Variants in GULP1 observed in about 807,000 individuals in gnomAD.
GULP1 encodes GULP PTB domain containing engulfment adaptor 1.
In GULP1, 19 loss-of-function variants were observed where a neutral mutation model predicts 40.9. The ratio of observed to expected loss-of-function variants is 0.46; its 90% confidence interval spans 0.32 to 0.68. GULP1 has a LOEUF of 0.68. GULP1 is among the 30% of genes least tolerant of loss of function. The pLI is 0.03. For missense variants in GULP1, 312 were observed against 362.2 expected (o/e 0.86, Z 1.12); for synonymous variants, 119 against 117.6 (o/e 1.01, Z -0.08).
chr2:188,490,605 ATCTT>A (rs562575559), intron 4 of GULP1, among the ~76,000 whole-genome samples: 11 of 152,052 alleles, frequency 7.2e-5, no homozygotes, highest in Non-Finnish European at 1.3e-4. Context: ...GAAGTATTGC[ATCTT>A]TCTTTCTTCT....
At chr2:188,506,986 C>T (rs997656325) in intron 4 of GULP1, among the ~76,000 whole-genome samples, 4 of 151,932 alleles carry the variant, frequency 2.6e-5, no homozygotes, top group African/African-American at 9.7e-5. Context: ...GTGGCTAAGA[C>T]TGTTGAGAGA....
intron 2 of GULP1, among the ~76,000 whole-genome samples, chr2:188,476,432 A>G (rs1224655360): frequency 1.3e-5 from 2 of 152,158 alleles, no homozygotes; most frequent in Non-Finnish European, 2.9e-5. Flanking sequence ...CTGTCTTGTC[A>G]TCTGAAGATG....
chr2:188,444,551 A>G (rs980622709), intron 2 of GULP1, among the ~76,000 whole-genome samples: 1 of 152,226 alleles, frequency 6.6e-6, no homozygotes, highest in African/African-American at 2.4e-5. Context: ...TGACTCCTTC[A>G]TAAGCCAGAG....
chr2:188,369,822 G>T (rs1002643209), intron 1 of GULP1, among the ~76,000 whole-genome samples: 39 of 151,990 alleles, frequency 2.6e-4, no homozygotes, highest in African/African-American at 8.9e-4. Context: ...GCCTATTCTT[G>T]GTTCAGGTAA....
At chr2:188,531,691 G>A (rs890691783) in intron 6 of GULP1, among the ~76,000 whole-genome samples, 2 of 152,124 alleles carry the variant, frequency 1.3e-5, no homozygotes, top group South Asian at 4.1e-4. Flanking sequence ...AGTTTGCTGG[G>A]AAACAAGGCA....
intron 6 of GULP1, among the ~76,000 whole-genome samples, chr2:188,540,843 G>A (rs1388072417): frequency 6.6e-6 from 1 of 151,984 alleles, no homozygotes; most frequent in Non-Finnish European, 1.5e-5. Context: ...TTCTTTCTGG[G>A]TCTCATTGTT....
chr2:188,403,935 T>C (rs1349975965), intron 2 of GULP1, among the ~76,000 whole-genome samples: 1 of 152,090 alleles, frequency 6.6e-6, no homozygotes, highest in Admixed American at 6.6e-5. Context: ...TTAGCAATGG[T>C]GAGGATGATC....
intron 9 of GULP1, among the ~76,000 whole-genome samples, chr2:188,570,740 G>A (rs1698843468): frequency 6.6e-6 from 1 of 152,112 alleles, no homozygotes; most frequent in Non-Finnish European, 1.5e-5. Context: ...TTGGAGGGAG[G>A]TGGAATTTAA....
At chr2:188,474,614 A>T (rs2060856656) in intron 2 of GULP1, among the ~76,000 whole-genome samples, 1 of 152,166 alleles carries the variant, frequency 6.6e-6, no homozygotes, top group Non-Finnish European at 1.5e-5. Context: ...GATGCTGGTG[A>T]TTCAGAACTG....
Position 188,505,463 on chromosome 2 carries a change from A to G in GULP1, c.91-17293A>G, listed in dbSNP as rs560188701. Among the ~76,000 whole-genome samples, 5 of 151,962 alleles carry G rather than the reference A, an allele frequency of 3.3e-5. No individual in the cohort carries two copies. In the South Asian group the frequency reaches 8.3e-4, roughly 25 times the overall value. On this transcript the variant is annotated intron_variant, in intron 4 of 11. Coordinates refer to ENST00000409830, the MANE Select transcript of GULP1 (RefSeq NM_016315.4). ...GTTTGCCCCCAAATAACTCCATACT[A>G]TGAAGCATATTATAATATACAGAAT...
intron 7 of GULP1, among the ~76,000 whole-genome samples, chr2:188,551,195 G>A (rs993116794): frequency 3.3e-5 from 5 of 151,466 alleles, no homozygotes; most frequent in African/African-American, 7.3e-5. Context: ...CATTTAGGGA[G>A]GGCATCACCT....
At chr2:188,314,845 C>T (rs562291886) in intron 1 of GULP1, among the ~76,000 whole-genome samples, 1 of 152,066 alleles carries the variant, frequency 6.6e-6, no homozygotes, top group Non-Finnish European at 1.5e-5. Flanking sequence ...CCACACTATC[C>T]CCTACTTTTG....
intron 9 of GULP1, among the ~76,000 whole-genome samples, chr2:188,574,555 T>G (rs1699782357): frequency 6.6e-6 from 1 of 151,764 alleles, no homozygotes; most frequent in Non-Finnish European, 1.5e-5. Context: ...GCCGGGGAGG[T>G]GGAGGCTATG....
At chr2:188,502,574 T>A (rs1189381381) in intron 4 of GULP1, among the ~76,000 whole-genome samples, 1 of 151,912 alleles carries the variant, frequency 6.6e-6, no homozygotes, top group Non-Finnish European at 1.5e-5. Flanking sequence ...ACCTCCTATT[T>A]CTGTTTTTCT....
chr2:188,332,168 A>G (rs2041680471), intron 1 of GULP1, among the ~76,000 whole-genome samples: 1 of 147,744 alleles, frequency 6.8e-6, no homozygotes, highest in Non-Finnish European at 1.5e-5. Flanking sequence ...GTACAAGGCC[A>G]TTCCATCGGT....
In GULP1 at chr2:188,541,193, A is replaced by G. The variant is rs1334073023; in HGVS notation, c.274A>G (p.Asn92Asp). ...TCTGTGTTCACAGGAAGTTCAACAC[A>G]ATTGCCAGCTTCATAGAATATCTTT... ...LEPKTKEVQH[N>D]CQLHRISFCA... is the part of the protein sequence containing the mutation. The change falls in exon 7 of 12, where the codon AAT becomes GAT. Residue 92 changes from asparagine to aspartate, a missense_variant. Transcript: ENST00000409830. The G allele has an allele frequency of 8.7e-6, 14 of 1,613,178 alleles. No individual in the cohort carries two copies. Among genetic ancestry groups the G allele is most frequent in the Non-Finnish European group, 1.2e-5 (14 of 1,179,232 alleles).
chr2:188,565,856 G>A (rs1697527216), intron 7 of GULP1, among the ~76,000 whole-genome samples: 1 of 152,044 alleles, frequency 6.6e-6, no homozygotes, highest in South Asian at 2.1e-4. Flanking sequence ...CAAAACCAAT[G>A]TGTTATTGAT....
chr2:188,477,550 T>C (rs1305693850), intron 2 of GULP1, 109 bp from the exon 3 acceptor site: 1 of 579,952 alleles, frequency 1.7e-6, no homozygotes, highest in Admixed American at 3.7e-5. Context: ...ATATTGTTTG[T>C]AAATATTTTT....
rs13006243 is a variant in GULP1 at position 188,485,768 on chromosome 2, T to C, written c.90+2276T>C. 2.7e-3 allele frequency among the ~76,000 whole-genome samples: 417 copies of C among 152,194 alleles called. 2 individuals carry two copies. The highest frequency in any genetic ancestry group is 4.2e-3 in the Non-Finnish European group (286 of 67,958). ...AACAATAGTAATTTCTCACTTGAGTTGTTATAGACATAAGGAAGTTAGTGC... is the reference window on the plus strand; with the variant it reads ...AACAATAGTAATTTCTCACTTGAGTCGTTATAGACATAAGGAAGTTAGTGC... On this transcript the variant is annotated intron_variant, in intron 4 of 11. Coordinates refer to ENST00000409830, the MANE Select transcript of GULP1 (RefSeq NM_016315.4).
Sources: allele counts gnomAD v4.1 joint callset (sites outside exome capture counted in the v4.1 genomes callset), GRCh38; gene constraint gnomAD v4.1.1; transcripts MANE v1.5; gene names NCBI Gene and HGNC (gene_info 2026-07-23, HGNC 2026-07-21).